The following ZNF286A variants were observed in gnomAD, a reference collection of about 807,000 sequenced individuals.
The protein encoded by ZNF286A is zinc finger protein 286A.
Under a neutral mutation model 49.3 loss-of-function variants are expected in ZNF286A, and 34 were observed. The observed-to-expected ratio is 0.69, with a 90% CI of 0.52 to 0.92. The LOEUF is 0.92. Among genes scored for constraint, ZNF286A ranks in the 40% least tolerant of loss-of-function variants. ZNF286A has a pLI of 0.00. For missense variants in ZNF286A, 462 were observed against 600.2 expected (o/e 0.77, Z 2.41); for synonymous variants, 155 against 200.4 (o/e 0.77, Z 1.91).
chr17:15,717,577 T>C lies in ZNF286A; in HGVS notation c.*287T>C, dbSNP rs1377205394. ...TGAGAGTAGGTAGCAGTACGAACAT[T>C]GTGAAATCCAGTTTTCCCCTCTCTT... On this transcript the variant is annotated 3_prime_UTR_variant, in exon 6 of 6. Coordinates refer to ENST00000583566, the MANE Select transcript of ZNF286A (RefSeq NM_001130842.2). The C allele has an allele frequency of 9.9e-6, 4 of 405,230 alleles. No homozygotes were observed. In the South Asian group the frequency reaches 1.3e-4, roughly 14 times the overall value. 25.1% of individuals were successfully genotyped at this position (405,230 alleles called of 1,614,324 possible).
At chr17:15,715,630 G>A (rs1440195823) in intron 5 of ZNF286A, among the ~76,000 whole-genome samples, 4 of 152,056 alleles carry the variant, frequency 2.6e-5, no homozygotes, top group Non-Finnish European at 5.9e-5. Context: ...TACATATTTG[G>A]ATGTGAGTAG....
intron 4 of ZNF286A, among the ~76,000 whole-genome samples, chr17:15,707,065 C>G (rs1260571095): frequency 1.3e-5 from 2 of 152,170 alleles, no homozygotes; most frequent in Non-Finnish European, 2.9e-5. Context: ...CACGCATACA[C>G]ACATGCATGC....
In ZNF286A at chr17:15,716,423, G is replaced by C. The variant is rs753801110; in HGVS notation, c.699G>C (p.Lys233Asn). 11 of 1,613,216 alleles carry C rather than the reference G, an allele frequency of 6.8e-6. No individual in the cohort carries two copies. In the East Asian group the frequency reaches 2.5e-4, roughly 36 times the overall value. ...SLKQKSNLMKKQRTYKEKKPH... is the reference protein window; with the variant it reads ...SLKQKSNLMKNQRTYKEKKPH... Reference sequence around the variant, plus strand: ...AACAAAAATCAAACTTAATGAAAAAGCAGAGAACTTATAAAGAGAAAAAAC... The same window carrying C: ...AACAAAAATCAAACTTAATGAAAAACCAGAGAACTTATAAAGAGAAAAAAC... Residue 233 changes from lysine to asparagine, a missense_variant, in exon 6 of 6, where the codon AAG becomes AAC. Lys to Asn is a moderately conservative substitution (Grantham distance 94). This residue lies in a region of ZNF286A where 259 missense variants were observed against 272.2 expected (regional missense o/e 0.95). Transcript: ENST00000583566.
chr17:15,717,027 G>A lies in ZNF286A; in HGVS notation c.1303G>A (p.Glu435Lys). ...TCAACATCAGAGAATTCACACTGGA[G>A]AGAAACCCTATGAGTGTAATGAATG... ...LVQHQRIHTG[E>K]KPYECNECGK... Residue 435 changes from glutamate to lysine, a missense_variant, in exon 6 of 6, where the codon GAG (glutamate) becomes AAG (lysine). Around this residue, in one of 3 missense-constraint regions of ZNF286A, gnomAD observed 201 missense variants for 311.3 expected, o/e 0.65. Transcript: ENST00000583566. 1 of 1,614,116 alleles carries A rather than the reference G, an allele frequency of 6.2e-7. No homozygotes were observed. Among genetic ancestry groups the A allele is most frequent in the African/African-American group, 1.3e-5 (1 of 75,050 alleles).
intron 5 of ZNF286A, among the ~76,000 whole-genome samples, chr17:15,712,181 C>T (rs1280507521): frequency 6.6e-6 from 1 of 151,378 alleles, no homozygotes; most frequent in Non-Finnish European, 1.5e-5. Flanking sequence ...AATAATCTCC[C>T]TATTTTTAAC....
In ZNF286A at chr17:15,717,089, A is replaced by C. The variant is rs142027364; in HGVS notation, c.1365A>C (p.Lys455Asn). The change falls in exon 6 of 6, where the codon AAA (lysine) becomes AAC (asparagine). Residue 455 changes from lysine (K) to asparagine (N), a missense_variant. Physicochemically the swap from Lys to Asn is moderately conservative, Grantham distance 94 (BLOSUM62 0). Around this residue, in one of 3 missense-constraint regions of ZNF286A, gnomAD observed 201 missense variants for 311.3 expected, o/e 0.65. Transcript: ENST00000583566. ...TCAGCCGGAGCTCCAATTTTGCTAA[A>C]CATCAAAGAATTCATATTGGAAAGA... ...KTFSRSSNFA[K>N]HQRIHIGKKP... The C allele has an allele frequency of 6.2e-7, 1 of 1,614,120 alleles. No homozygotes were observed. The highest frequency in any genetic ancestry group is 2.2e-5 in the East Asian group (1 of 44,874).
chr17:15,702,991 A>T (rs985858510), intron 3 of ZNF286A, among the ~76,000 whole-genome samples: 1 of 152,152 alleles, frequency 6.6e-6, no homozygotes, highest in Non-Finnish European at 1.5e-5. Flanking sequence ...AAGGCCAGAG[A>T]AAAAGGGCAG....
chr17:15,714,455 G>C (rs1349578708), intron 5 of ZNF286A, among the ~76,000 whole-genome samples: 2 of 152,046 alleles, frequency 1.3e-5, no homozygotes, highest in Admixed American at 6.5e-5. Context: ...GTCAATTTAT[G>C]TTTTATTTAT....
chr17:15,702,905 A>G (rs1989893918), intron 3 of ZNF286A, among the ~76,000 whole-genome samples: 1 of 152,216 alleles, frequency 6.6e-6, no homozygotes, highest in Non-Finnish European at 1.5e-5. Flanking sequence ...TTTTCTCTCC[A>G]TGGGTTTTAT....
intron 5 of ZNF286A, among the ~76,000 whole-genome samples, chr17:15,715,847 G>A (rs989882249): frequency 3.3e-5 from 5 of 152,000 alleles, no homozygotes; most frequent in Admixed American, 6.5e-5. Flanking sequence ...CTCCTCTTCC[G>A]ACTCTCCTGG....
Position 15,701,176 on chromosome 17 carries a change from A to G in ZNF286A, c.62A>G (p.His21Arg), listed in dbSNP as rs779344794. Residue 21 changes from histidine to arginine, a missense_variant, in exon 3 of 6, where the codon CAT becomes CGT. His to Arg is a conservative substitution (Grantham distance 29, BLOSUM62 0). Transcript: ENST00000583566. ...KGALSSQDSP[H>R]FQEKSTEEGE... ...GCTCTGTCTTCCCAGGATTCTCCCC[A>G]TTTCCAAGAGAAGAGCACAGAAGAG... The G allele has an allele frequency of 1.2e-6, 2 of 1,614,098 alleles. No homozygotes were observed. Among genetic ancestry groups the G allele is most frequent in the Admixed American group, 3.3e-5 (2 of 60,018 alleles).
Position 15,709,963 on chromosome 17 carries a change from T to C in ZNF286A, c.334+1716T>C, listed in dbSNP as rs1227895205. 32 of 1,481,628 alleles carry C rather than the reference T, an allele frequency of 2.2e-5. No individual in the cohort carries two copies. In the East Asian group the frequency reaches 8.0e-4, roughly 37 times the overall value. The allele number at this position is 1,481,628 out of a possible 1,614,324, so 91.8% of individuals were successfully genotyped here. A position where few individuals can be genotyped will look rare whatever the true frequency, so the allele number is the denominator to read the frequency against. ...GCCAACAGTTGAGTTATCAGACTTG[T>C]TAATTTTTGTCAATCTGACGGATGC... On this transcript the variant is annotated intron_variant, in intron 5 of 5. Transcript: ENST00000583566.
At chr17:15,702,873 C>T (rs1024548479) in intron 3 of ZNF286A, among the ~76,000 whole-genome samples, 1 of 152,212 alleles carries the variant, frequency 6.6e-6, no homozygotes, top group African/African-American at 2.4e-5. Context: ...ATGTTAAAAC[C>T]TAATTCTTCA....
chr17:15,707,984 A>G (rs565120455), intron 4 of ZNF286A, among the ~76,000 whole-genome samples, 171 bp from the exon 5 acceptor site: 149 of 152,258 alleles, frequency 9.8e-4, no homozygotes, highest in African/African-American at 3.6e-3. Flanking sequence ...GATCCCATTA[A>G]CTTTAAAAAT....
At chr17:15,711,870 C>CG (rs1990684500) in intron 5 of ZNF286A, among the ~76,000 whole-genome samples, 1 of 94,604 alleles carries the variant, frequency 1.1e-5, no homozygotes, top group African/African-American at 4.1e-5. Context: ...GCCCCCCCCC[C>CG]GGCTTTTTTT....
chr17:15,720,156 A>T lies in ZNF286A; in HGVS notation c.*2866A>T, dbSNP rs1241601355. On this transcript the variant is annotated 3_prime_UTR_variant, in exon 6 of 6. Coordinates refer to ENST00000583566, the MANE Select transcript of ZNF286A (RefSeq NM_001130842.2). ...GTTTCTTTATCTGTATTAGGTTTCA[A>T]CAAAGGGAATAAATCATTGGCTTCT... 6.6e-6 allele frequency: 1 copy of T among 152,098 alleles called. No homozygotes were observed. Among genetic ancestry groups the T allele is most frequent in the African/African-American group, 2.4e-5 (1 of 41,416 alleles). The allele number at this position is 152,098 out of a possible 1,614,324, so 9.4% of individuals were successfully genotyped here. A position where few individuals can be genotyped will look rare whatever the true frequency, so the allele number is the denominator to read the frequency against.
rs2530067 is a variant in ZNF286A at position 15,716,633 on chromosome 17, C to T, written c.909C>T (p.Cys303=). 6.2e-7 allele frequency: 1 copy of T among 1,613,992 alleles called. No homozygotes were observed. The highest frequency in any genetic ancestry group is 1.3e-5 in the African/African-American group (1 of 74,972). The stretch of plus-strand genomic sequence containing the variant: ...GAATTCTCTTTGAATGCAGTGAATG[C>T]AAGAAAACCTTCACAGAAAGCTCAT... ...HTRILFECSE[C]KKTFTESSSL... Residue 303 remains cysteine, a synonymous_variant, in exon 6 of 6, where the codon TGC becomes TGT. Coordinates refer to ENST00000583566, the MANE Select transcript of ZNF286A (RefSeq NM_001130842.2).
intron 5 of ZNF286A, among the ~76,000 whole-genome samples, chr17:15,712,813 A>G (rs1393900226): frequency 6.6e-6 from 1 of 152,094 alleles, no homozygotes; most frequent in Non-Finnish European, 1.5e-5. Context: ...GAACATTTGA[A>G]TGGCTTCTCG....
rs1043693952 is a variant in ZNF286A, at chr17:15,717,442, A to G, written c.*152A>G. Reference sequence around the variant, plus strand: ...GCGTAATACATAGTTTTGAGCCATAAGCAGGTTCTTTATGTCCGTTAATTT... The same window carrying G: ...GCGTAATACATAGTTTTGAGCCATAGGCAGGTTCTTTATGTCCGTTAATTT... On this transcript the variant is annotated 3_prime_UTR_variant, in exon 6 of 6. Transcript: ENST00000583566. 6.1e-5 allele frequency: 82 copies of G among 1,343,032 alleles called. No individual in the cohort carries two copies. The highest frequency in any genetic ancestry group is 2.3e-4 in the Middle Eastern group (1 of 4,378). The allele number at this position is 1,343,032 out of a possible 1,614,324, so 83.2% of individuals were successfully genotyped here.
Sources: allele counts gnomAD v4.1 joint callset (sites outside exome capture counted in the v4.1 genomes callset), GRCh38; gene constraint gnomAD v4.1.1; regional missense constraint gnomAD v4.1.1; transcripts MANE v1.5; gene names NCBI Gene and HGNC (gene_info 2026-07-23, HGNC 2026-07-21).